Variants in TMX2 observed in about 807,000 individuals in gnomAD.
TMX2 encodes the protein thioredoxin-related transmembrane protein 2.
TMX2 carries 20 observed loss-of-function variants against 33.4 expected under a neutral mutation model. That is an observed-to-expected ratio of 0.60 (90% CI 0.42 to 0.87). The LOEUF (loss-of-function observed/expected upper bound fraction) is 0.87, where lower values mean the gene tolerates loss of function less well. Ranked by LOEUF, TMX2 falls within the 40% of genes least tolerant of loss-of-function variation. The probability of loss-of-function intolerance (pLI) is 0.00; values close to 1 mark genes in which losing one functional copy is unlikely to be tolerated. For synonymous variants in TMX2, 166 were observed against 140.7 expected (o/e 1.18, Z -1.27); for missense variants, 340 against 370.7 (o/e 0.92, Z 0.68).
rs1565214413 is a variant in TMX2, at chr11:57,717,755, G to GGAGAGGC, written c.189+4948_189+4949insGAGAGGC. 6.9e-5 allele frequency among the ~76,000 whole-genome samples: 10 copies of GGAGAGGC among 145,642 alleles called. No homozygotes were observed. In the East Asian group the frequency reaches 1.3e-3, roughly 19 times the overall value. ...GAGGGGAGAGGGGAGAGGGGAGAGG[G>GGAGAGGC]AGAGGCAGAGGCAGAGGCAGAGGCC... On this transcript the variant is annotated intron_variant, in intron 1 of 7. Coordinates refer to ENST00000278422, the MANE Select transcript of TMX2 (RefSeq NM_015959.4).
In TMX2 at chr11:57,714,134, C is replaced by G. The variant is rs192682653; in HGVS notation, c.189+1327C>G. Among the ~76,000 whole-genome samples the G allele has an allele frequency of 2.0e-3, 298 of 152,174 alleles. 5 individuals carry two copies. Among genetic ancestry groups the G allele is most frequent in the African/African-American group, 6.7e-3 (278 of 41,504 alleles). Reference sequence around the variant, plus strand: ...CCCTGGTCTTCTTTATTTCCTTTGTCTGAAACTTCCTTAGAAGTTTCACTA... The same window carrying G: ...CCCTGGTCTTCTTTATTTCCTTTGTGTGAAACTTCCTTAGAAGTTTCACTA... On this transcript the variant is annotated intron_variant, in intron 1 of 7. Transcript: ENST00000278422.
intron 1 of TMX2, among the ~76,000 whole-genome samples, chr11:57,715,749 C>A (rs1946949026): frequency 6.6e-6 from 1 of 151,546 alleles, no homozygotes; most frequent in South Asian, 2.1e-4. Context: ...GTGTTTGTGT[C>A]CCTGGGTACT....
intron 1 of TMX2, among the ~76,000 whole-genome samples, chr11:57,733,899 G>A (rs1049858152): frequency 2.6e-5 from 4 of 152,040 alleles, no homozygotes; most frequent in African/African-American, 9.7e-5. Context: ...GGCTGGGTGC[G>A]GTGGCTCACG....
At chr11:57,721,952 T>G (rs551865823) in intron 1 of TMX2, among the ~76,000 whole-genome samples, 4 of 152,278 alleles carry the variant, frequency 2.6e-5, no homozygotes, top group African/African-American at 7.2e-5. Flanking sequence ...TGAGATTTCT[T>G]CCTTCTCACT....
intron 1 of TMX2, 131 bp downstream of exon 1, chr11:57,712,938 T>A: frequency 1.1e-6 from 1 of 942,338 alleles, no homozygotes; most frequent in Non-Finnish European, 1.6e-6. Context: ...TAGAGACTAT[T>A]AAGTGCAGGG....
chr11:57,717,188 G>A (rs7129727), intron 1 of TMX2, among the ~76,000 whole-genome samples: 47,720 of 150,716 alleles, frequency 0.32, 7,792 homozygotes, highest in African/African-American at 0.34. Flanking sequence ...ATGGGATGGC[G>A]GCCGGGCAGA....
At chr11:57,735,915 T>A (rs1463047471) in intron 1 of TMX2, among the ~76,000 whole-genome samples, 2 of 152,186 alleles carry the variant, frequency 1.3e-5, no homozygotes, top group African/African-American at 4.8e-5. Flanking sequence ...GCTGGTTAGT[T>A]GTTTTGTCCT....
chr11:57,718,968 A>G (rs1450242415), intron 1 of TMX2, among the ~76,000 whole-genome samples: 1 of 146,452 alleles, frequency 6.8e-6, no homozygotes, highest in Admixed American at 6.9e-5. Flanking sequence ...AAGGATTTTT[A>G]AAAAGAGCTT....
At chr11:57,734,565 T>G (rs1460665403) in intron 1 of TMX2, among the ~76,000 whole-genome samples, 1 of 151,686 alleles carries the variant, frequency 6.6e-6, no homozygotes, top group Non-Finnish European at 1.5e-5. Flanking sequence ...CTGGCCAACA[T>G]GGTGAAACCC....
intron 1 of TMX2, among the ~76,000 whole-genome samples, chr11:57,733,238 CAGTG>C (rs946452092): frequency 5.0e-5 from 7 of 140,018 alleles, no homozygotes; most frequent in African/African-American, 1.9e-4. Context: ...GTGTAAGACA[CAGTG>C]AGGAATTTTT....
At chr11:57,715,909 C>A (rs1156587602) in intron 1 of TMX2, among the ~76,000 whole-genome samples, 10 of 151,904 alleles carry the variant, frequency 6.6e-5, no homozygotes, top group Admixed American at 5.3e-4. Flanking sequence ...GTAAGGTCAC[C>A]GATCAACAGG....
chr11:57,739,945 T>C (rs1307384842), intron 7 of TMX2, among the ~76,000 whole-genome samples, 154 bp from the exon 8 acceptor site: 1 of 152,162 alleles, frequency 6.6e-6, no homozygotes, highest in Non-Finnish European at 1.5e-5. Flanking sequence ...TAGTTGACTT[T>C]TCTGGGTACC....
At chr11:57,733,675 G>T (rs555602055) in intron 1 of TMX2, among the ~76,000 whole-genome samples, 4 of 152,196 alleles carry the variant, frequency 2.6e-5, no homozygotes, top group Non-Finnish European at 5.9e-5. Context: ...GTTGGTTACT[G>T]TTGAAGCTGG....
intron 1 of TMX2, among the ~76,000 whole-genome samples, chr11:57,720,134 CAA>C (rs59914635): frequency 9.1e-4 from 117 of 128,094 alleles, no homozygotes; most frequent in Middle Eastern, 3.9e-3. Context: ...ACTAAAAATA[CAA>C]AAAAAAAAAA....
intron 1 of TMX2, among the ~76,000 whole-genome samples, chr11:57,720,891 AC>A (rs1947584647): frequency 6.6e-6 from 1 of 152,228 alleles, no homozygotes; most frequent in South Asian, 2.1e-4. Context: ...GTTTGAGTGT[AC>A]AAAGAATTTT....
rs1027885777 is a variant in TMX2 at position 57,714,681 on chromosome 11, C to T, written c.189+1874C>T. 3.9e-5 allele frequency among the ~76,000 whole-genome samples: 6 copies of T among 152,050 alleles called. No homozygotes were observed. The South Asian group carries it at 8.3e-4, about 21-fold the overall frequency. On this transcript the variant is annotated intron_variant, in intron 1 of 7. Coordinates refer to ENST00000278422, the MANE Select transcript of TMX2 (RefSeq NM_015959.4). ...TGATCATGGCTCACTGTAGTCTTAA[C>T]CTCCTGGGCAAAGCCATCCTGCCAC...
At chr11:57,712,969 A>G (rs1946723596) in intron 1 of TMX2, among the ~76,000 whole-genome samples, 162 bp downstream of exon 1, 1 of 152,190 alleles carries the variant, frequency 6.6e-6, no homozygotes, top group Non-Finnish European at 1.5e-5. Context: ...CATCGAGTCT[A>G]AACTTTGTGT....
At chr11:57,714,398 C>T (rs1204723497) in intron 1 of TMX2, among the ~76,000 whole-genome samples, 2 of 152,158 alleles carry the variant, frequency 1.3e-5, no homozygotes, top group Non-Finnish European at 2.9e-5. Flanking sequence ...AGCTTAATAT[C>T]TGGTATAGTC....
chr11:57,736,328 T>C (rs1396470529), intron 1 of TMX2, among the ~76,000 whole-genome samples: 1 of 125,022 alleles, frequency 8.0e-6, no homozygotes, highest in Non-Finnish European at 1.7e-5. Context: ...CACCTAATGA[T>C]AGCTGATGAG....
Sources: allele counts gnomAD v4.1 joint callset (sites outside exome capture counted in the v4.1 genomes callset), GRCh38; gene constraint gnomAD v4.1.1; transcripts MANE v1.5; gene names NCBI Gene and HGNC (gene_info 2026-07-23, HGNC 2026-07-21).